CAP2: variants seen among roughly 807,000 people sequenced by gnomAD.
The protein encoded by CAP2 is cyclase associated actin cytoskeleton regulatory protein 2, also known as adenylyl cyclase-associated protein 2.
CAP2 carries 24 observed loss-of-function variants against 57.7 expected under a neutral mutation model. That is an observed-to-expected ratio of 0.42 (90% CI 0.30 to 0.58). The LOEUF is 0.58. Among genes scored for constraint, CAP2 ranks in the 20% least tolerant of loss-of-function variants. The pLI, the probability that CAP2 is intolerant of heterozygous loss-of-function variation, is 0.22. For missense variants in CAP2, 501 were observed against 590.3 expected (o/e 0.85, Z 1.57); for synonymous variants, 194 against 207.2 (o/e 0.94, Z 0.55).
intron 4 of CAP2, among the ~76,000 whole-genome samples, chr6:17,476,984 G>T (rs1761164755): frequency 6.9e-6 from 1 of 144,416 alleles, no homozygotes; most frequent in African/African-American, 2.6e-5. Context: ...TGATCCTCCT[G>T]CCTCAGCCTC....
chr6:17,480,950 G>GTTT (rs1761273637), intron 4 of CAP2, among the ~76,000 whole-genome samples: 1 of 60,980 alleles, frequency 1.6e-5, no homozygotes, highest in African/African-American at 6.7e-5. Context: ...GGCTAATTTT[G>GTTT]TATTTTTTTT....
chr6:17,486,692 A>G (rs543720890), intron 4 of CAP2, among the ~76,000 whole-genome samples: 2 of 152,348 alleles, frequency 1.3e-5, no homozygotes, highest in South Asian at 4.1e-4. Flanking sequence ...TTTAGAAATC[A>G]GCCTCAAAAT....
intron 3 of CAP2, among the ~76,000 whole-genome samples, chr6:17,457,827 T>A (rs2113588958): frequency 6.6e-6 from 1 of 152,334 alleles, no homozygotes; most frequent in African/African-American, 2.4e-5. Flanking sequence ...AAAAGGCTAA[T>A]GATCATGCTC....
chr6:17,550,210 C>G (rs1763137620), intron 11 of CAP2, among the ~76,000 whole-genome samples: 1 of 151,894 alleles, frequency 6.6e-6, no homozygotes. Flanking sequence ...GGCGCCATTG[C>G]ACTCTAGCCT....
intron 4 of CAP2, among the ~76,000 whole-genome samples, chr6:17,491,885 C>A (rs1175342801): frequency 2.0e-5 from 3 of 152,236 alleles, no homozygotes; most frequent in Non-Finnish European, 2.9e-5. Flanking sequence ...TTTCTTCCCT[C>A]CCCGCAAACT....
chr6:17,547,637 T>G (rs147765369), intron 11 of CAP2, among the ~76,000 whole-genome samples: 30 of 152,046 alleles, frequency 2.0e-4, no homozygotes, highest in African/African-American at 3.4e-4. Context: ...GTCCGGAGAT[T>G]GAGACCATCC....
intron 4 of CAP2, among the ~76,000 whole-genome samples, chr6:17,494,231 A>G (rs564400058): frequency 7.9e-5 from 12 of 152,292 alleles, no homozygotes; most frequent in African/African-American, 2.9e-4. Flanking sequence ...TCAAAACTCC[A>G]TGGTGATCTC....
intron 4 of CAP2, among the ~76,000 whole-genome samples, chr6:17,498,436 T>G (rs534808669): frequency 6.6e-6 from 1 of 152,180 alleles, no homozygotes. Flanking sequence ...AGAAAAGACA[T>G]TGTATTAAAA....
intron 3 of CAP2, among the ~76,000 whole-genome samples, chr6:17,430,341 A>C (rs1338444540): frequency 6.6e-6 from 1 of 152,222 alleles, no homozygotes; most frequent in Non-Finnish European, 1.5e-5. Flanking sequence ...AACCCAAGAA[A>C]CTTGACACAG....
intron 8 of CAP2, among the ~76,000 whole-genome samples, 196 bp from the exon 9 acceptor site, chr6:17,540,777 C>T (rs1406400821): frequency 2.0e-5 from 3 of 152,164 alleles, no homozygotes; most frequent in Admixed American, 1.3e-4. Context: ...ACAACAACAA[C>T]TTACAGTGCT....
intron 4 of CAP2, among the ~76,000 whole-genome samples, chr6:17,473,347 T>C (rs555526039): frequency 6.6e-5 from 10 of 152,334 alleles, no homozygotes; most frequent in African/African-American, 2.4e-4. Flanking sequence ...TTGAGGTCAC[T>C]TTGTGTTTTT....
At chr6:17,553,062 A>G (rs1363802443) in intron 12 of CAP2, among the ~76,000 whole-genome samples, 5 of 152,206 alleles carry the variant, frequency 3.3e-5, no homozygotes, top group African/African-American at 1.2e-4. Context: ...AGCTGATGCC[A>G]ACAGCTTCAG....
chr6:17,495,939 C>A (rs964454), intron 4 of CAP2, among the ~76,000 whole-genome samples: 2 of 146,456 alleles, frequency 1.4e-5, no homozygotes, highest in Admixed American at 6.9e-5. Flanking sequence ...GGACAGAATC[C>A]CAGTGCAGTG....
intron 3 of CAP2, among the ~76,000 whole-genome samples, chr6:17,431,110 G>A (rs1465083123): frequency 2.0e-5 from 3 of 152,078 alleles, no homozygotes; most frequent in South Asian, 2.1e-4. Flanking sequence ...TTGAGAACAC[G>A]TGGTCACAAA....
chr6:17,397,698 A>AAG (rs1758705829), intron 1 of CAP2, among the ~76,000 whole-genome samples: 1 of 141,464 alleles, frequency 7.1e-6, no homozygotes, highest in African/African-American at 2.5e-5. Flanking sequence ...CCATATCAAA[A>AAG]AAAAAAAAAA....
intron 3 of CAP2, among the ~76,000 whole-genome samples, chr6:17,440,373 T>G (rs1760035510): frequency 6.6e-6 from 1 of 151,690 alleles, no homozygotes; most frequent in Non-Finnish European, 1.5e-5. Flanking sequence ...GCTACCTTTC[T>G]GAAGTTCACT....
chr6:17,536,378 G>A, intron 7 of CAP2: 1 of 447,430 alleles, frequency 2.2e-6, no homozygotes, highest in Non-Finnish European at 4.5e-6. Flanking sequence ...AGTAACCTTG[G>A]AAACAAGAGC....
At chr6:17,439,146 A>G (rs549409681) in intron 3 of CAP2, among the ~76,000 whole-genome samples, 20 of 150,574 alleles carry the variant, frequency 1.3e-4, no homozygotes, top group African/African-American at 3.5e-4. Flanking sequence ...AGAGAGAGAG[A>G]AAAAAAAGGC....
intron 7 of CAP2, among the ~76,000 whole-genome samples, chr6:17,522,237 A>C (rs1003533964): frequency 6.6e-6 from 1 of 152,210 alleles, no homozygotes; most frequent in African/African-American, 2.4e-5. Context: ...AAGTTCGAAA[A>C]GCACTGCTCT....
Sources: gnomAD v4.1 joint callset for allele counts (sites outside exome capture counted in the v4.1 genomes callset) on GRCh38, gnomAD v4.1.1 for gene constraint, MANE v1.5 for transcripts, NCBI Gene and HGNC (gene_info 2026-07-23, HGNC 2026-07-21) for gene names.